GRID2: variants seen among roughly 807,000 people sequenced by gnomAD.
GRID2 encodes the protein glutamate receptor ionotropic, delta-2.
GRID2 carries 33 observed loss-of-function variants against 114.8 expected under a neutral mutation model. The observed-to-expected ratio is 0.29, with a 90% CI of 0.22 to 0.38. GRID2 has a LOEUF of 0.38. Ranked by LOEUF, GRID2 falls within the 10% of genes least tolerant of loss-of-function variation. The pLI is 1.00. For synonymous variants in GRID2, 505 were observed against 449.9 expected, an observed-to-expected ratio of 1.12 and a Z score of -1.55; for missense variants, 1,184 against 1,257.7, an observed-to-expected ratio of 0.94 and a Z score of 0.89.
At chr4:93,231,782 T>G (rs899499050) in intron 7 of GRID2, among the ~76,000 whole-genome samples, 1 of 152,154 alleles carries the variant, frequency 6.6e-6, no homozygotes, top group African/African-American at 2.4e-5. Context: ...CTTTCATCTC[T>G]TCCTCTGTCC....
At chr4:93,748,492 T>G (rs1023950186) in intron 14 of GRID2, among the ~76,000 whole-genome samples, 1 of 152,126 alleles carries the variant, frequency 6.6e-6, no homozygotes, top group African/African-American at 2.4e-5. Context: ...CTTGGAGAGT[T>G]TTAGGAAGGC....
chr4:93,117,697 T>C (rs914220022), intron 4 of GRID2, among the ~76,000 whole-genome samples: 2 of 152,102 alleles, frequency 1.3e-5, no homozygotes, highest in African/African-American at 4.8e-5. Context: ...TTAAAATATC[T>C]CCCAAACATA....
intron 2 of GRID2, among the ~76,000 whole-genome samples, chr4:92,737,985 C>G (rs572376572): frequency 6.6e-5 from 10 of 152,088 alleles, no homozygotes; most frequent in Non-Finnish European, 1.5e-4. Flanking sequence ...CTCATTGTTT[C>G]ATTTTTACTC....
chr4:93,381,799 A>G (rs931529463), intron 8 of GRID2, among the ~76,000 whole-genome samples: 1 of 152,138 alleles, frequency 6.6e-6, no homozygotes, highest in Non-Finnish European at 1.5e-5. Context: ...TGTTACAATA[A>G]TAGTAGCTTT....
rs367860703 is a variant in GRID2 at position 92,430,554 on chromosome 4, T to G, written c.88+125810T>G. On this transcript the variant is annotated intron_variant, in intron 1 of 15. Coordinates refer to ENST00000282020, the MANE Select transcript of GRID2 (RefSeq NM_001510.4). Reference sequence around the variant, plus strand: ...AGTCAGGTGATGTGATTTTTAAAGTTTTTCTCTTTTTGCTTAGGATAGCTT... The same window carrying G: ...AGTCAGGTGATGTGATTTTTAAAGTGTTTCTCTTTTTGCTTAGGATAGCTT... Among the ~76,000 whole-genome samples, 9 of 152,116 alleles carry G rather than the reference T, an allele frequency of 5.9e-5. No homozygotes were observed. In the East Asian group the frequency reaches 1.7e-3, roughly 29 times the overall value.
chr4:92,933,572 G>T (rs573094860), intron 2 of GRID2, among the ~76,000 whole-genome samples: 1 of 151,568 alleles, frequency 6.6e-6, no homozygotes, highest in South Asian at 2.1e-4. Context: ...CATGCCAGGA[G>T]ACTGGAACAT....
intron 2 of GRID2, among the ~76,000 whole-genome samples, chr4:92,949,755 A>T (rs910445176): frequency 6.6e-6 from 1 of 151,856 alleles, no homozygotes; most frequent in Non-Finnish European, 1.5e-5. Context: ...CATCCAACAA[A>T]TTGAAACTGA....
Position 92,942,579 on chromosome 4 carries a change from C to A in GRID2, c.245-142416C>A, listed in dbSNP as rs1025307464. Among the ~76,000 whole-genome samples the A allele has an allele frequency of 2.0e-5, 3 of 151,970 alleles. No homozygotes were observed. In the South Asian group the frequency reaches 6.2e-4, roughly 32 times the overall value. ...ATTTATCCCATTTACATTTAAGGTTCCTATTGTTATGTGTGAATTTGATCC... is the reference window on the plus strand; with the variant it reads ...ATTTATCCCATTTACATTTAAGGTTACTATTGTTATGTGTGAATTTGATCC... On this transcript the variant is annotated intron_variant, in intron 2 of 15. Transcript: ENST00000282020.
intron 1 of GRID2, among the ~76,000 whole-genome samples, chr4:92,456,916 A>T (rs927291541): frequency 6.6e-6 from 1 of 152,118 alleles, no homozygotes; most frequent in Non-Finnish European, 1.5e-5. Context: ...TATGTTATGA[A>T]ATATTTGTGC....
At chr4:93,792,244 A>ACTT (rs1485623262) in intron 1 of GRID2, among the ~76,000 whole-genome samples, 1 of 152,098 alleles carries the variant, frequency 6.6e-6, no homozygotes, top group Non-Finnish European at 1.5e-5. Context: ...TTCTAATCCC[A>ACTT]CTTCCCTCTC....
chr4:93,637,323 T>C (rs895945801), intron 14 of GRID2, among the ~76,000 whole-genome samples: 2 of 152,164 alleles, frequency 1.3e-5, no homozygotes, highest in Non-Finnish European at 2.9e-5. Flanking sequence ...AGTAGCTTTA[T>C]TTTATAGAAG....
At chr4:93,332,490 A>G (rs1758604987) in intron 8 of GRID2, among the ~76,000 whole-genome samples, 1 of 152,076 alleles carries the variant, frequency 6.6e-6, no homozygotes. Flanking sequence ...TTACAACCAG[A>G]GGAGTCTAAT....
chr4:92,368,816 A>G (rs956181552), intron 1 of GRID2, among the ~76,000 whole-genome samples: 14 of 152,168 alleles, frequency 9.2e-5, no homozygotes, highest in South Asian at 2.1e-4. Flanking sequence ...CAAGAATTCT[A>G]ATAAAGTCAA....
chr4:93,632,401 T>C (rs1721002883), intron 14 of GRID2, among the ~76,000 whole-genome samples: 1 of 152,204 alleles, frequency 6.6e-6, no homozygotes, highest in Non-Finnish European at 1.5e-5. Flanking sequence ...GTATAAGGTG[T>C]AAGGAAGGGA....
At chr4:92,750,719 G>T (rs914326802) in intron 2 of GRID2, among the ~76,000 whole-genome samples, 1 of 152,192 alleles carries the variant, frequency 6.6e-6, no homozygotes, top group Non-Finnish European at 1.5e-5. Flanking sequence ...GTTTGAAGGA[G>T]TGTCTGCCTT....
At chr4:93,164,815 C>A in intron 4 of GRID2, 2 of 366,364 alleles carry the variant, frequency 5.5e-6, no homozygotes, top group South Asian at 1.9e-5. Flanking sequence ...ACTTACGTGA[C>A]AATTGGAGTA....
At chr4:93,533,275 TTCCTTCC>T (rs1731659779) in intron 13 of GRID2, among the ~76,000 whole-genome samples, 2 of 134,308 alleles carry the variant, frequency 1.5e-5, no homozygotes, top group Admixed American at 7.4e-5. Flanking sequence ...CCTTCCTTCC[TTCCTTCC>T]TTCCTTCCTT....
chr4:93,082,821 C>T (rs982996808), intron 2 of GRID2, among the ~76,000 whole-genome samples: 2 of 151,818 alleles, frequency 1.3e-5, no homozygotes, highest in African/African-American at 4.8e-5. Flanking sequence ...TTAGTATCTG[C>T]TTAGTTCGTG....
chr4:93,526,803 C>G (rs1730953509), intron 13 of GRID2, among the ~76,000 whole-genome samples: 3 of 152,052 alleles, frequency 2.0e-5, no homozygotes, highest in Admixed American at 1.3e-4. Context: ...GAGTGAAACT[C>G]CATCTCAAAA....
Sources: allele counts gnomAD v4.1 joint callset (sites outside exome capture counted in the v4.1 genomes callset), GRCh38; gene constraint gnomAD v4.1.1; transcripts MANE v1.5; gene names NCBI Gene and HGNC (gene_info 2026-07-23, HGNC 2026-07-21).